CHST11: variants seen among roughly 807,000 people sequenced by gnomAD.
CHST11 encodes the protein carbohydrate sulfotransferase 11.
Under a neutral mutation model 30.4 loss-of-function variants are expected in CHST11, and 9 were observed. That is an observed-to-expected ratio of 0.30 (90% CI 0.18 to 0.52). CHST11 has a LOEUF of 0.52. Among genes scored for constraint, CHST11 ranks in the 20% least tolerant of loss-of-function variants. The probability of loss-of-function intolerance (pLI) is 0.97; values close to 1 mark genes in which losing one functional copy is unlikely to be tolerated. For missense variants in CHST11, 348 were observed against 460.6 expected (o/e 0.76, Z 2.24); for synonymous variants, 152 against 187.8 (o/e 0.81, Z 1.56).
intron 2 of CHST11, among the ~76,000 whole-genome samples, chr12:104,644,985 C>T (rs778159735): frequency 1.3e-5 from 2 of 152,200 alleles, no homozygotes; most frequent in African/African-American, 2.4e-5. Context: ...GAGTCTTGCA[C>T]TGTCATCCAG....
chr12:104,467,504 C>T (rs777541093), intron 1 of CHST11, among the ~76,000 whole-genome samples: 17 of 152,212 alleles, frequency 1.1e-4, no homozygotes, highest in East Asian at 3.9e-4. Flanking sequence ...CCAGTTCTAG[C>T]GGTGGTGGAG....
chr12:104,594,745 G>A lies in CHST11; in HGVS notation c.119-7161G>A, dbSNP rs1030643571. 2.7e-4 allele frequency among the ~76,000 whole-genome samples: 41 copies of A among 152,142 alleles called. 1 individual carries two copies. The highest frequency in any genetic ancestry group is 2.4e-5 in the African/African-American group (1 of 41,428). On this transcript the variant is annotated intron_variant, in intron 1 of 2. Coordinates refer to ENST00000303694, the MANE Select transcript of CHST11 (RefSeq NM_018413.6). Reference sequence around the variant, plus strand: ...ACCAAGGTGGGAGGATTGCTTGAATGCAGGAGTTCAAGACCAGCCTGGGCA... The same window carrying A: ...ACCAAGGTGGGAGGATTGCTTGAATACAGGAGTTCAAGACCAGCCTGGGCA...
chr12:104,570,405 C>T (rs997004028), intron 1 of CHST11, among the ~76,000 whole-genome samples: 1 of 152,134 alleles, frequency 6.6e-6, no homozygotes, highest in Non-Finnish European at 1.5e-5. Flanking sequence ...CTCTTTCCAC[C>T]TTTCAGCACT....
intron 1 of CHST11, among the ~76,000 whole-genome samples, chr12:104,536,902 G>A (rs891009984): frequency 3.3e-5 from 5 of 152,156 alleles, no homozygotes; most frequent in Non-Finnish European, 7.3e-5. Context: ...AGGGATAGTT[G>A]TGCAGCACTA....
At chr12:104,608,001 T>A (rs576765633) in intron 2 of CHST11, among the ~76,000 whole-genome samples, 406 of 152,254 alleles carry the variant, frequency 2.7e-3, no homozygotes, top group African/African-American at 9.2e-3. Context: ...AAGCCTGTGG[T>A]CTTCATATTA....
At chr12:104,643,839 A>G (rs1333679421) in intron 2 of CHST11, among the ~76,000 whole-genome samples, 1 of 152,060 alleles carries the variant, frequency 6.6e-6, no homozygotes, top group Non-Finnish European at 1.5e-5. Context: ...CACTGTTTTA[A>G]CCCAGGGTAA....
chr12:104,663,595 A>G (rs1056565640), intron 2 of CHST11, among the ~76,000 whole-genome samples: 1 of 152,102 alleles, frequency 6.6e-6, no homozygotes, highest in African/African-American at 2.4e-5. Flanking sequence ...TTTCTCCATA[A>G]CATTCAACTG....
At chr12:104,730,290 A>T (rs569448335) in intron 2 of CHST11, among the ~76,000 whole-genome samples, 1 of 152,334 alleles carries the variant, frequency 6.6e-6, no homozygotes, top group African/African-American at 2.4e-5. Flanking sequence ...CTTGTATGAC[A>T]TGGGAGAAGA....
intron 1 of CHST11, among the ~76,000 whole-genome samples, chr12:104,574,303 C>T (rs2038660390): frequency 6.6e-6 from 1 of 152,070 alleles, no homozygotes; most frequent in African/African-American, 2.4e-5. Context: ...GTCAGTGTGG[C>T]GATTCCTCAG....
intron 1 of CHST11, among the ~76,000 whole-genome samples, chr12:104,564,527 C>T (rs760869908): frequency 2.6e-5 from 4 of 152,184 alleles, no homozygotes; most frequent in African/African-American, 4.8e-5. Flanking sequence ...CAGGGTTTAG[C>T]GGGTCTGCAA....
At chr12:104,587,458 C>T (rs2038815922) in intron 1 of CHST11, among the ~76,000 whole-genome samples, 1 of 152,142 alleles carries the variant, frequency 6.6e-6, no homozygotes, top group African/African-American at 2.4e-5. Flanking sequence ...AGTGCAGTGG[C>T]AGGATCATGG....
chr12:104,572,459 A>G (rs2038637861), intron 1 of CHST11, among the ~76,000 whole-genome samples: 2 of 152,218 alleles, frequency 1.3e-5, no homozygotes, highest in Admixed American at 6.5e-5. Flanking sequence ...GTATGTGTCA[A>G]GGAATTTATC....
chr12:104,570,898 C>T (rs1192121115), intron 1 of CHST11, among the ~76,000 whole-genome samples: 2 of 152,104 alleles, frequency 1.3e-5, no homozygotes, highest in East Asian at 3.9e-4. Context: ...GCCATGTTGA[C>T]CAGGCTGGTC....
intron 1 of CHST11, among the ~76,000 whole-genome samples, chr12:104,534,681 T>C (rs965390474): frequency 1.7e-4 from 26 of 152,172 alleles, no homozygotes; most frequent in African/African-American, 6.3e-4. Flanking sequence ...CGGTGCTGCA[T>C]GGTTTCTGGT....
At chr12:104,533,447 G>A (rs1218708375) in intron 1 of CHST11, among the ~76,000 whole-genome samples, 2 of 152,154 alleles carry the variant, frequency 1.3e-5, no homozygotes, top group African/African-American at 4.8e-5. Flanking sequence ...GAACTTATAA[G>A]TTTAATTTCC....
intron 2 of CHST11, among the ~76,000 whole-genome samples, chr12:104,670,503 T>C (rs2039682381): frequency 1.4e-5 from 2 of 143,928 alleles, no homozygotes; most frequent in Non-Finnish European, 3.0e-5. Context: ...TCATACACAC[T>C]CACACAAACA....
intron 1 of CHST11, among the ~76,000 whole-genome samples, chr12:104,549,298 C>A (rs1449129177): frequency 6.6e-6 from 1 of 152,150 alleles, no homozygotes; most frequent in Non-Finnish European, 1.5e-5. Flanking sequence ...ACATATCCTG[C>A]TGGGCTAGTT....
intron 2 of CHST11, among the ~76,000 whole-genome samples, chr12:104,663,190 AC>A (rs1358912356): frequency 6.6e-6 from 1 of 152,210 alleles, no homozygotes; most frequent in Non-Finnish European, 1.5e-5. Flanking sequence ...GCCCTGTCTA[AC>A]CTACTCCATC....
rs2039746377 is a variant in CHST11, at chr12:104,676,743, A to G, written c.204+74752A>G. ...CTAAGGAAGCTGCAGCTCACTTGGG[A>G]AATCCAGGATAACCTTCCCACCTCA... is the stretch of plus-strand genomic sequence containing the variant. On this transcript the variant is annotated intron_variant, in intron 2 of 2. Transcript: ENST00000303694. The surrounding 1 kb of genome is among the most constrained non-coding windows in gnomAD (Gnocchi z 4.4). 6.6e-6 allele frequency among the ~76,000 whole-genome samples: 1 copy of G among 152,214 alleles called. No homozygotes were observed. Among genetic ancestry groups the G allele is most frequent in the Non-Finnish European group, 1.5e-5 (1 of 68,034 alleles).
Sources: allele counts gnomAD v4.1 joint callset (sites outside exome capture counted in the v4.1 genomes callset), GRCh38; gene constraint gnomAD v4.1.1; non-coding constraint Gnocchi (gnomAD v3.1); transcripts MANE v1.5; gene names NCBI Gene and HGNC (gene_info 2026-07-23, HGNC 2026-07-21).